Variants in NCAM1 observed in about 807,000 individuals in gnomAD.
NCAM1 encodes the protein antigen recognized by monoclonal antibody 5.1H11.
Under a neutral mutation model 109.8 loss-of-function variants are expected in NCAM1, and 14 were observed. The ratio of observed to expected loss-of-function variants is 0.13; its 90% CI spans 0.08 to 0.20. The LOEUF is 0.20. Among genes scored for constraint, NCAM1 ranks in the 10% least tolerant of loss-of-function variants. NCAM1 has a pLI of 1.00. For synonymous variants in NCAM1, 418 were observed against 442.9 expected (o/e 0.94, Z 0.70); for missense variants, 774 against 1,109.9 (o/e 0.70, Z 4.30).
intron 1 of NCAM1, among the ~76,000 whole-genome samples, chr11:113,189,615 G>T (rs541989976): frequency 2.0e-5 from 3 of 152,024 alleles, no homozygotes; most frequent in Admixed American, 2.0e-4. Flanking sequence ...ACTCCATTCT[G>T]ATTTTAGTCC....
At chr11:113,112,121 A>G (rs1555093841) in intron 1 of NCAM1, among the ~76,000 whole-genome samples, 2 of 152,122 alleles carry the variant, frequency 1.3e-5, no homozygotes, top group African/African-American at 4.8e-5. Context: ...ACTCCTTTTC[A>G]GTACATTTTC....
At chr11:113,170,436 C>G (rs1942954287) in intron 1 of NCAM1, among the ~76,000 whole-genome samples, 1 of 152,112 alleles carries the variant, frequency 6.6e-6, no homozygotes, top group African/African-American at 2.4e-5. Flanking sequence ...TGACAAATAC[C>G]TGACAAAGAG....
chr11:113,178,686 G>A (rs1005076961), intron 1 of NCAM1, among the ~76,000 whole-genome samples: 4 of 152,202 alleles, frequency 2.6e-5, no homozygotes, highest in Non-Finnish European at 5.9e-5. Flanking sequence ...CAAAAAGAAA[G>A]AAGATGAATT....
rs1212487104 is a variant in NCAM1, at chr11:113,249,495, C to G, written c.1828+3125C>G. ...GAAACTGCCAGTTCCCTTAGGGTCA[C>G]CAGTATGGGGGCTGAAACTCCCCAG... On this transcript the variant is annotated intron_variant, in intron 15 of 19. Coordinates refer to ENST00000316851, the MANE Select transcript of NCAM1 (RefSeq NM_181351.5). 2.6e-5 allele frequency among the ~76,000 whole-genome samples: 4 copies of G among 152,162 alleles called. No individual in the cohort carries two copies. In the East Asian group the frequency reaches 7.7e-4, roughly 29 times the overall value.
chr11:113,151,803 G>C (rs782122424), intron 1 of NCAM1, among the ~76,000 whole-genome samples: 3 of 152,220 alleles, frequency 2.0e-5, no homozygotes, highest in Non-Finnish European at 4.4e-5. Context: ...ATAGTGGTCT[G>C]TTCTTATCCC....
intron 1 of NCAM1, among the ~76,000 whole-genome samples, chr11:113,047,990 T>A (rs868956946): frequency 6.6e-6 from 1 of 152,188 alleles, no homozygotes; most frequent in African/African-American, 2.4e-5. Context: ...CTGGTCCTGA[T>A]GGCTGCTGTC....
At chr11:113,222,323 C>T (rs1293783863) in intron 9 of NCAM1, among the ~76,000 whole-genome samples, 1 of 152,202 alleles carries the variant, frequency 6.6e-6, no homozygotes, top group Non-Finnish European at 1.5e-5. Context: ...GAACGTATAA[C>T]TCAAGTGTTC....
At chr11:113,155,135 C>A (rs1555103236) in intron 1 of NCAM1, among the ~76,000 whole-genome samples, 1 of 152,104 alleles carries the variant, frequency 6.6e-6, no homozygotes, top group African/African-American at 2.4e-5. Flanking sequence ...CATCCAGGAG[C>A]AAGTGCCTGG....
rs546477569 is a variant in NCAM1 at position 113,100,724 on chromosome 11, G to A, written c.53-101655G>A. Among the ~76,000 whole-genome samples the A allele has an allele frequency of 1.1e-3, 167 of 152,232 alleles. 1 individual carries two copies. The highest frequency in any genetic ancestry group is 8.9e-3 in the South Asian group (43 of 4,816). ...GAGTTTGGGGTTTTTATGGGTAGAA[G>A]ATGTGGGGGGGTGGGTGGCACGTGG... On this transcript the variant is annotated intron_variant, in intron 1 of 19. Transcript: ENST00000316851.
intron 15 of NCAM1, among the ~76,000 whole-genome samples, chr11:113,246,969 G>C (rs1336324472): frequency 1.3e-5 from 2 of 152,200 alleles, no homozygotes; most frequent in African/African-American, 4.8e-5. Flanking sequence ...CTTTTTAAGA[G>C]TGGCCCTCCC....
At chr11:113,185,513 A>G (rs112157912) in intron 1 of NCAM1, among the ~76,000 whole-genome samples, 92 of 152,298 alleles carry the variant, frequency 6.0e-4, no homozygotes, top group Middle Eastern at 3.4e-3. Context: ...CTTATGGCTC[A>G]GGAAAATTGA....
At chr11:113,081,757 C>T (rs1219675427) in intron 1 of NCAM1, among the ~76,000 whole-genome samples, 2 of 152,162 alleles carry the variant, frequency 1.3e-5, no homozygotes, top group South Asian at 2.1e-4. Context: ...TGGTCTGGAA[C>T]TCCTGACCTC....
chr11:113,128,921 G>A (rs1555097743), intron 1 of NCAM1, among the ~76,000 whole-genome samples: 1 of 151,294 alleles, frequency 6.6e-6, no homozygotes, highest in African/African-American at 2.4e-5. Flanking sequence ...GTGTGTGTGT[G>A]TGTGTGTGTG....
chr11:113,114,095 T>C (rs971736235), intron 1 of NCAM1, among the ~76,000 whole-genome samples: 2 of 152,222 alleles, frequency 1.3e-5, no homozygotes, highest in Non-Finnish European at 2.9e-5. Context: ...AATATTAAAC[T>C]CTTTTTGCCT....
chr11:113,092,106 G>A (rs1939374124), intron 1 of NCAM1, among the ~76,000 whole-genome samples: 1 of 151,908 alleles, frequency 6.6e-6, no homozygotes, highest in African/African-American at 2.4e-5. Context: ...TGTCTTTACA[G>A]CAACTTCTAG....
At chr11:113,252,935 G>A (rs2137541960) in intron 15 of NCAM1, among the ~76,000 whole-genome samples, 1 of 149,816 alleles carries the variant, frequency 6.7e-6, no homozygotes, top group East Asian at 2.0e-4. Context: ...ACAGGTGTGA[G>A]CCACTGTGAC....
rs782562816 is a variant in NCAM1 at position 113,233,185 on chromosome 11, T to C, written c.1561T>C (p.Tyr521His). ...SSPSIDQVEP[Y>H]SSTAQVQFDE... ...ACCATCCATCGACCAGGTGGAGCCATACTCCAGCACAGCCCAGGTGCAGTT... is the reference window on the plus strand; with the variant it reads ...ACCATCCATCGACCAGGTGGAGCCACACTCCAGCACAGCCCAGGTGCAGTT... The change falls in exon 13 of 20, where the codon TAC becomes CAC. Residue 521 changes from tyrosine (Y) to histidine (H), a missense_variant. Around this residue, in one of 4 missense-constraint regions of NCAM1, gnomAD observed 523 missense variants for 784.2 expected, o/e 0.67. Transcript: ENST00000316851. The surrounding 1 kb of genome is among the most constrained non-coding windows in gnomAD (Gnocchi z 4.5). 6.2e-7 allele frequency: 1 copy of C among 1,613,746 alleles called. No homozygotes were observed. Among genetic ancestry groups the C allele is most frequent in the Non-Finnish European group, 8.5e-7 (1 of 1,179,870 alleles).
intron 1 of NCAM1, among the ~76,000 whole-genome samples, chr11:113,184,950 A>G (rs963799648): frequency 1.2e-4 from 18 of 151,852 alleles, no homozygotes; most frequent in Admixed American, 3.3e-4. Flanking sequence ...ATGTATATTG[A>G]TGTACTAGTC....
intron 1 of NCAM1, among the ~76,000 whole-genome samples, chr11:113,190,363 T>A (rs528380759): frequency 9.2e-5 from 14 of 152,254 alleles, no homozygotes; most frequent in African/African-American, 3.1e-4. Flanking sequence ...GAGAAAGTAA[T>A]GCTATGGGTA....
Sources: gnomAD v4.1 joint callset for allele counts (sites outside exome capture counted in the v4.1 genomes callset) on GRCh38, gnomAD v4.1.1 for gene constraint, gnomAD v4.1.1 regional missense constraint, Gnocchi (gnomAD v3.1) non-coding constraint, MANE v1.5 for transcripts, NCBI Gene and HGNC (gene_info 2026-07-23, HGNC 2026-07-21) for gene names.